KIF26B: variants seen among roughly 807,000 people sequenced by gnomAD.
KIF26B encodes kinesin family member 26B, also known as kinesin-like protein KIF26B.
In KIF26B, 63 loss-of-function variants were observed where a neutral mutation model predicts 151.2. The ratio of observed to expected loss-of-function variants is 0.42; its 90% CI spans 0.34 to 0.51. The LOEUF (loss-of-function observed/expected upper bound fraction) is 0.51, where lower values mean the gene tolerates loss of function less well. Among genes scored for constraint, KIF26B ranks in the 20% least tolerant of loss-of-function variants. The pLI is 0.07. For missense variants in KIF26B, 2,813 were observed against 2,913.6 expected, an observed-to-expected ratio of 0.97 and a Z score of 0.79; for synonymous variants, 1,357 against 1,262.1, an observed-to-expected ratio of 1.08 and a Z score of -1.59.
chr1:245,349,492 AT>A (rs1672521030), intron 2 of KIF26B, among the ~76,000 whole-genome samples: 1 of 150,970 alleles, frequency 6.6e-6, no homozygotes, highest in Non-Finnish European at 1.5e-5. Context: ...GTTTTACCAC[AT>A]CCCTAAACCT....
chr1:245,172,453 A>G (rs905869918), intron 2 of KIF26B, among the ~76,000 whole-genome samples: 3 of 152,134 alleles, frequency 2.0e-5, no homozygotes, highest in Admixed American at 6.5e-5. Context: ...AGAGACCAGA[A>G]ACGGCCTTGA....
intron 2 of KIF26B, among the ~76,000 whole-genome samples, chr1:245,260,532 A>G (rs1234597239): frequency 6.6e-6 from 1 of 152,230 alleles, no homozygotes; most frequent in Non-Finnish European, 1.5e-5. Context: ...TATAAATAGA[A>G]CATGTTTAAT....
Position 245,703,965 on chromosome 1 carries a change from G to A in KIF26B, c.*1359G>A, listed in dbSNP as rs1273237462. 6.6e-6 allele frequency: 1 copy of A among 152,234 alleles called. No individual in the cohort carries two copies. The highest frequency in any genetic ancestry group is 1.5e-5 in the Non-Finnish European group (1 of 68,058). The allele number at this position is 152,234 out of a possible 1,614,324, so 9.4% of individuals were successfully genotyped here. On this transcript the variant is annotated 3_prime_UTR_variant, in exon 15 of 15. Coordinates refer to ENST00000407071, the MANE Select transcript of KIF26B (RefSeq NM_018012.4). ...CAGAACATAGCTGAAGACTATGGATGTCCAGGTCTTGGCTCCCAACAACTC... is the reference window on the plus strand; with the variant it reads ...CAGAACATAGCTGAAGACTATGGATATCCAGGTCTTGGCTCCCAACAACTC...
At position 245,328,819 on chromosome 1, in the gene KIF26B, G is replaced by T. The variant is rs142554654; in HGVS notation, c.466-38015G>T. Among the ~76,000 whole-genome samples the T allele has an allele frequency of 3.9e-5, 6 of 152,314 alleles. No individual in the cohort carries two copies. The East Asian group carries it at 1.2e-3, about 29-fold the overall frequency. On this transcript the variant is annotated intron_variant, in intron 2 of 14. Transcript: ENST00000407071. ...TCCAGTTGTCGCTCATCGAGAACTC[G>T]TGAAGACAGACAGGGGAGCAGTGAC...
intron 2 of KIF26B, among the ~76,000 whole-genome samples, chr1:245,184,373 T>A (rs1668966411): frequency 1.3e-5 from 2 of 152,058 alleles, no homozygotes; most frequent in African/African-American, 2.4e-5. Context: ...CTATAGCACA[T>A]TGAATGAGAA....
chr1:245,333,859 A>T (rs1672167933), intron 2 of KIF26B, among the ~76,000 whole-genome samples: 1 of 152,104 alleles, frequency 6.6e-6, no homozygotes, highest in African/African-American at 2.4e-5. Context: ...TTAGCCAGGC[A>T]TGGTGGTGGG....
chr1:245,310,254 T>G (rs1671641804), intron 2 of KIF26B, among the ~76,000 whole-genome samples: 1 of 151,898 alleles, frequency 6.6e-6, no homozygotes, highest in African/African-American at 2.4e-5. Flanking sequence ...CCAAGAGAGA[T>G]AGCGTGGTCT....
chr1:245,451,694 G>T (rs1474961279), intron 4 of KIF26B, among the ~76,000 whole-genome samples: 1 of 143,892 alleles, frequency 6.9e-6, no homozygotes, highest in Non-Finnish European at 1.5e-5. Flanking sequence ...TCTGCCTCCT[G>T]GGTTCAAAAA....
rs907012 is a variant in KIF26B, at chr1:245,292,303, G to A, written c.466-74531G>A. 9.0e-3 allele frequency among the ~76,000 whole-genome samples: 1,364 copies of A among 152,274 alleles called. 20 individuals carry two copies. Among genetic ancestry groups the A allele is most frequent in the African/African-American group, 0.03 (1,234 of 41,540 alleles). On this transcript the variant is annotated intron_variant, in intron 2 of 14. Transcript: ENST00000407071. Reference sequence around the variant, plus strand: ...CAGCCTTGAGTGCACATGGGGCACCGGAAGCTGGTGCACTGGGGAAGAGAG... The same window carrying A: ...CAGCCTTGAGTGCACATGGGGCACCAGAAGCTGGTGCACTGGGGAAGAGAG...
intron 4 of KIF26B, among the ~76,000 whole-genome samples, chr1:245,471,138 T>TATAC (rs1659905082): frequency 6.6e-6 from 1 of 151,618 alleles, no homozygotes; most frequent in African/African-American, 2.4e-5. Context: ...TGTGTATATA[T>TATAC]ATATATATTT....
intron 4 of KIF26B, among the ~76,000 whole-genome samples, chr1:245,439,508 A>G (rs775787190): frequency 3.3e-5 from 5 of 149,834 alleles, no homozygotes; most frequent in East Asian, 3.9e-4. Flanking sequence ...AGGAACCCCT[A>G]TGAAATGTAT....
chr1:245,556,707 G>T (rs1238400856), intron 5 of KIF26B, among the ~76,000 whole-genome samples: 2 of 88,822 alleles, frequency 2.3e-5, no homozygotes, highest in Non-Finnish European at 5.5e-5. Context: ...TGGTGTTTTT[G>T]TTGTTGTTGT....
intron 3 of KIF26B, among the ~76,000 whole-genome samples, chr1:245,378,894 C>A (rs1673337321): frequency 6.6e-6 from 1 of 152,134 alleles, no homozygotes; most frequent in Non-Finnish European, 1.5e-5. Context: ...TGGAAACTTC[C>A]AGAGCTGTTG....
At chr1:245,654,102 G>A (rs952339045) in intron 10 of KIF26B, among the ~76,000 whole-genome samples, 2 of 152,182 alleles carry the variant, frequency 1.3e-5, no homozygotes, top group African/African-American at 4.8e-5. Context: ...CCGAGGGGCA[G>A]GGCTGATGGT....
At chr1:245,490,590 C>G (rs931714068) in intron 4 of KIF26B, among the ~76,000 whole-genome samples, 2 of 152,102 alleles carry the variant, frequency 1.3e-5, no homozygotes, top group African/African-American at 4.8e-5. Context: ...GAATTACAGG[C>G]GTGAGCCACC....
chr1:245,653,978 G>A (rs190999062), intron 10 of KIF26B, among the ~76,000 whole-genome samples: 15 of 152,214 alleles, frequency 9.9e-5, no homozygotes, highest in East Asian at 1.9e-4. Flanking sequence ...TGGAAGGATC[G>A]CTTGAACCCA....
At chr1:245,664,307 C>T (rs1429163657) in intron 10 of KIF26B, among the ~76,000 whole-genome samples, 1 of 149,908 alleles carries the variant, frequency 6.7e-6, no homozygotes, top group East Asian at 2.0e-4. Context: ...TGCAGTGAGC[C>T]GAGATCACGC....
intron 2 of KIF26B, among the ~76,000 whole-genome samples, chr1:245,163,504 C>T (rs1445711444): frequency 6.6e-6 from 1 of 152,182 alleles, no homozygotes; most frequent in Non-Finnish European, 1.5e-5. Flanking sequence ...CTAGCTCTCT[C>T]TCCCTCAAAT....
intron 5 of KIF26B, among the ~76,000 whole-genome samples, chr1:245,583,571 C>G (rs936122082): frequency 6.6e-6 from 1 of 152,170 alleles, no homozygotes. Flanking sequence ...AATGAGAGTT[C>G]GTTAAATCAG....
Sources: gnomAD v4.1 joint callset for allele counts (sites outside exome capture counted in the v4.1 genomes callset) on GRCh38, gnomAD v4.1.1 for gene constraint, MANE v1.5 for transcripts, NCBI Gene and HGNC (gene_info 2026-07-23, HGNC 2026-07-21) for gene names.